GMDS: variants seen among roughly 807,000 people sequenced by gnomAD.
GMDS encodes GDP-mannose 4,6 dehydratase.
Under a neutral mutation model 49.9 loss-of-function variants are expected in GMDS, and 20 were observed. The observed-to-expected ratio is 0.40, with a 90% CI of 0.28 to 0.58. GMDS has a LOEUF of 0.58. Ranked by LOEUF, GMDS falls within the 20% of genes least tolerant of loss-of-function variation. The pLI, the probability that GMDS is intolerant of heterozygous loss-of-function variation, is 0.42. For synonymous variants in GMDS, 177 were observed against 178.6 expected, an observed-to-expected ratio of 0.99 and a Z score of 0.07; for missense variants, 362 against 481.4, an observed-to-expected ratio of 0.75 and a Z score of 2.32.
At chr6:2,193,147 C>G (rs1004377786) in intron 1 of GMDS, among the ~76,000 whole-genome samples, 6 of 152,214 alleles carry the variant, frequency 3.9e-5, no homozygotes, top group Admixed American at 2.6e-4. Context: ...ACACCCAGGA[C>G]AGTCTGCACG....
At chr6:2,132,001 G>A (rs1160146488) in intron 1 of GMDS, among the ~76,000 whole-genome samples, 1 of 152,062 alleles carries the variant, frequency 6.6e-6, no homozygotes, top group African/African-American at 2.4e-5. Flanking sequence ...CTTGGTATAT[G>A]CCCAGTATGC....
chr6:2,034,461 T>C (rs1386165320), intron 4 of GMDS, among the ~76,000 whole-genome samples: 2 of 152,180 alleles, frequency 1.3e-5, no homozygotes, highest in Admixed American at 6.5e-5. Context: ...GTGATGACAA[T>C]GCTCTAAAAT....
At chr6:1,900,701 AGC>A (rs1235882214) in intron 7 of GMDS, among the ~76,000 whole-genome samples, 3 of 152,248 alleles carry the variant, frequency 2.0e-5, no homozygotes, top group African/African-American at 4.8e-5. Flanking sequence ...AAAAACCAGT[AGC>A]CAGAGAAGCT....
chr6:1,627,656 A>G (rs1216093028), intron 9 of GMDS, among the ~76,000 whole-genome samples: 1 of 152,192 alleles, frequency 6.6e-6, no homozygotes, highest in Non-Finnish European at 1.5e-5. Context: ...CGTTTCCTTC[A>G]TTATACATAT....
intron 4 of GMDS, among the ~76,000 whole-genome samples, chr6:2,094,212 C>T (rs934968333): frequency 9.2e-5 from 14 of 152,234 alleles, no homozygotes; most frequent in Middle Eastern, 6.8e-3. Context: ...ATGTTGCACA[C>T]GTTAGAAAGT....
intron 7 of GMDS, among the ~76,000 whole-genome samples, chr6:1,873,800 C>G (rs2113807861): frequency 6.6e-6 from 1 of 152,314 alleles, no homozygotes; most frequent in East Asian, 1.9e-4. Flanking sequence ...CAGGAAAACA[C>G]AACACCCTAC....
chr6:1,831,624 G>C lies in GMDS; in HGVS notation c.772-89038C>G, dbSNP rs1204707153. 2.6e-5 allele frequency among the ~76,000 whole-genome samples: 4 copies of C among 152,154 alleles called. No homozygotes were observed. The East Asian group carries it at 7.7e-4, about 29-fold the overall frequency. On this transcript the variant is annotated intron_variant, in intron 7 of 10. Coordinates refer to ENST00000380815, the MANE Select transcript of GMDS (RefSeq NM_001500.4). ...AAAGTTTTTTATTCCAGCTTTCTGA[G>C]GATTCATCCGAACACACATATTCCT...
chr6:1,765,548 T>C (rs1343187951), intron 7 of GMDS, among the ~76,000 whole-genome samples: 2 of 152,218 alleles, frequency 1.3e-5, no homozygotes, highest in Admixed American at 1.3e-4. Context: ...CTCAGGTTTC[T>C]TATAAATAAC....
At chr6:1,835,853 T>C (rs1193339033) in intron 7 of GMDS, among the ~76,000 whole-genome samples, 1 of 151,874 alleles carries the variant, frequency 6.6e-6, no homozygotes, top group African/African-American at 2.4e-5. Context: ...TTTCATTTGC[T>C]TTTTATTTTA....
intron 7 of GMDS, among the ~76,000 whole-genome samples, chr6:1,914,273 G>A (rs766637327): frequency 5.3e-5 from 8 of 150,786 alleles, no homozygotes; most frequent in East Asian, 1.9e-4. Flanking sequence ...TGGCTAACAC[G>A]GTGAAACCCC....
intron 9 of GMDS, chr6:1,625,393 G>GATCC (rs199688332): frequency 0.11 from 16,109 of 152,164 alleles, 1,143 homozygotes; most frequent in East Asian, 0.39. Context: ...GTACTTCCAC[G>GATCC]AGCGGAGCTG....
chr6:2,017,849 T>C (rs999344206), intron 4 of GMDS, among the ~76,000 whole-genome samples: 1 of 151,980 alleles, frequency 6.6e-6, no homozygotes, highest in Non-Finnish European at 1.5e-5. Flanking sequence ...GGAAAAAACA[T>C]TACATTTCCA....
intron 4 of GMDS, among the ~76,000 whole-genome samples, chr6:1,967,060 C>T (rs1035972591): frequency 1.3e-5 from 2 of 152,136 alleles, no homozygotes; most frequent in Non-Finnish European, 1.5e-5. Context: ...CCTAGTCTGG[C>T]GTCAGCTGGT....
intron 1 of GMDS, among the ~76,000 whole-genome samples, chr6:2,139,765 C>T (rs1056408892): frequency 1.3e-5 from 2 of 152,138 alleles, no homozygotes; most frequent in Admixed American, 6.6e-5. Context: ...AGTTCAACAA[C>T]AGCACAGGGT....
At chr6:1,798,104 G>A (rs939346957) in intron 7 of GMDS, among the ~76,000 whole-genome samples, 2 of 152,086 alleles carry the variant, frequency 1.3e-5, no homozygotes, top group Non-Finnish European at 2.9e-5. Context: ...TCCAGTTTTG[G>A]TTTCGATCTC....
intron 4 of GMDS, among the ~76,000 whole-genome samples, chr6:2,092,666 C>T (rs942522305): frequency 5.3e-5 from 8 of 152,102 alleles, no homozygotes; most frequent in East Asian, 3.9e-4. Flanking sequence ...TGTAGAGACA[C>T]GTTTAAGGAC....
At chr6:1,832,399 CA>C (rs34145877) in intron 7 of GMDS, among the ~76,000 whole-genome samples, 1 of 151,074 alleles carries the variant, frequency 6.6e-6, no homozygotes, top group Non-Finnish European at 1.5e-5. Flanking sequence ...TATACCCCTA[CA>C]AAAAAAACAA....
intron 7 of GMDS, among the ~76,000 whole-genome samples, chr6:1,917,393 TTTCCTA>T (rs1427182288): frequency 6.6e-6 from 1 of 152,186 alleles, no homozygotes; most frequent in African/African-American, 2.4e-5. Flanking sequence ...ATGTCAGCCT[TTTCCTA>T]TGAAAATGAC....
intron 1 of GMDS, among the ~76,000 whole-genome samples, chr6:2,242,358 C>T (rs1243470332): frequency 6.6e-6 from 1 of 152,200 alleles, no homozygotes; most frequent in Non-Finnish European, 1.5e-5. Flanking sequence ...AAGCCAGAGC[C>T]TGAGCTTCTT....
Sources: allele counts gnomAD v4.1 joint callset (sites outside exome capture counted in the v4.1 genomes callset), GRCh38; gene constraint gnomAD v4.1.1; transcripts MANE v1.5; gene names NCBI Gene and HGNC (gene_info 2026-07-23, HGNC 2026-07-21).